Variants in PCDH9 observed in about 807,000 individuals in gnomAD.
PCDH9 encodes the protein protocadherin 9.
In PCDH9, 24 loss-of-function variants were observed where a neutral mutation model predicts 70.6. The observed-to-expected ratio is 0.34, with a 90% CI of 0.25 to 0.48. PCDH9 has a LOEUF of 0.48. Ranked by LOEUF, PCDH9 falls within the 20% of genes least tolerant of loss-of-function variation. PCDH9 has a pLI of 0.99. For synonymous variants in PCDH9, 562 were observed against 558.5 expected, an observed-to-expected ratio of 1.01 and a Z score of -0.09; for missense variants, 1,281 against 1,503.6, an observed-to-expected ratio of 0.85 and a Z score of 2.45.
intron 4 of PCDH9, among the ~76,000 whole-genome samples, chr13:66,628,715 T>A (rs979029871): frequency 2.6e-5 from 4 of 152,360 alleles, no homozygotes; most frequent in African/African-American, 7.2e-5. Context: ...GTTTTGCTTT[T>A]CTTCAAATAG....
intron 2 of PCDH9, among the ~76,000 whole-genome samples, chr13:66,989,826 A>T (rs1421884110): frequency 6.6e-6 from 1 of 151,910 alleles, no homozygotes; most frequent in Non-Finnish European, 1.5e-5. Flanking sequence ...AAACGGGAAC[A>T]TAAAAAATTG....
Position 66,458,436 on chromosome 13 carries a change from C to G in PCDH9, c.3341-153408G>C, listed in dbSNP as rs79881260. 2.0e-4 allele frequency among the ~76,000 whole-genome samples: 31 copies of G among 152,034 alleles called. No homozygotes were observed. In the East Asian group the frequency reaches 5.8e-3, roughly 28 times the overall value. On this transcript the variant is annotated intron_variant, in intron 4 of 4. Coordinates refer to ENST00000377865, the MANE Select transcript of PCDH9 (RefSeq NM_203487.3). ...ATTGGATTCTTAGGTTCTTATTCAA[C>G]CTTAGGAAGCCACATCTCCAACAGA...
intron 2 of PCDH9, among the ~76,000 whole-genome samples, chr13:67,121,113 T>G (rs1482977681): frequency 2.0e-5 from 3 of 152,188 alleles, no homozygotes; most frequent in Non-Finnish European, 4.4e-5. Flanking sequence ...GGGACAGACA[T>G]ATAAACAAAG....
chr13:66,876,014 C>T (rs2081800566), intron 3 of PCDH9, among the ~76,000 whole-genome samples: 1 of 152,132 alleles, frequency 6.6e-6, no homozygotes, highest in South Asian at 2.1e-4. Context: ...TGCTGACCAT[C>T]AAAACAATTC....
At chr13:67,067,056 G>A (rs1484445542) in intron 2 of PCDH9, among the ~76,000 whole-genome samples, 1 of 152,114 alleles carries the variant, frequency 6.6e-6, no homozygotes, top group Admixed American at 6.6e-5. Context: ...ACCTAGGGCT[G>A]TCAGGCTTGC....
intron 4 of PCDH9, among the ~76,000 whole-genome samples, chr13:66,520,283 G>C (rs12867615): frequency 0.25 from 37,607 of 151,894 alleles, 5,098 homozygotes; most frequent in South Asian, 0.35. Flanking sequence ...TTTTTTTTCC[G>C]CTATTTCATT....
In PCDH9 at chr13:66,608,715, G is replaced by A. The variant is rs796279978; in HGVS notation, c.3340+22495C>T. On this transcript the variant is annotated intron_variant, in intron 4 of 4. Coordinates refer to ENST00000377865, the MANE Select transcript of PCDH9 (RefSeq NM_203487.3). ...CACTCAGCCCCAAATTCAAACCTAG[G>A]AGCTCTTTAGGCAAAAAGACCTCCG... 1.2e-4 allele frequency among the ~76,000 whole-genome samples: 18 copies of A among 151,794 alleles called. No individual in the cohort carries two copies. In the East Asian group the frequency reaches 3.3e-3, roughly 28 times the overall value.
intron 2 of PCDH9, among the ~76,000 whole-genome samples, chr13:67,019,846 G>C (rs923908131): frequency 1.3e-5 from 2 of 152,122 alleles, no homozygotes; most frequent in Admixed American, 1.3e-4. Flanking sequence ...CACACTTCAG[G>C]GACAATGAGC....
intron 4 of PCDH9, among the ~76,000 whole-genome samples, chr13:66,576,707 T>A (rs759861064): frequency 6.6e-6 from 1 of 152,010 alleles, no homozygotes; most frequent in Non-Finnish European, 1.5e-5. Context: ...GGACATCAAT[T>A]ATTTTGCCAC....
chr13:66,409,400 C>T (rs73205687), intron 4 of PCDH9, among the ~76,000 whole-genome samples: 2 of 151,888 alleles, frequency 1.3e-5, no homozygotes, highest in Non-Finnish European at 2.9e-5. Context: ...GTTGTCCTCC[C>T]CCTTTTTTCC....
At chr13:66,674,979 T>C (rs553255495) in intron 3 of PCDH9, among the ~76,000 whole-genome samples, 142 of 152,224 alleles carry the variant, frequency 9.3e-4, no homozygotes, top group African/African-American at 3.2e-3. Context: ...CTCATAATCT[T>C]TTAATTTAAC....
chr13:66,391,382 A>G lies in PCDH9; in HGVS notation c.3341-86354T>C, dbSNP rs577423306. Among the ~76,000 whole-genome samples, 5 of 152,316 alleles carry G rather than the reference A, an allele frequency of 3.3e-5. No individual in the cohort carries two copies. The East Asian group carries it at 7.7e-4, about 23-fold the overall frequency. ...ATAATGTAACGAGAAGGTTTCAAAT[A>G]CTGTTAAACTCTACAAATGCTCTGT... is the stretch of plus-strand genomic sequence containing the variant. On this transcript the variant is annotated intron_variant, in intron 4 of 4. Coordinates refer to ENST00000377865, the MANE Select transcript of PCDH9 (RefSeq NM_203487.3).
At chr13:67,039,326 A>G (rs2085067337) in intron 2 of PCDH9, among the ~76,000 whole-genome samples, 1 of 152,174 alleles carries the variant, frequency 6.6e-6, no homozygotes, top group Non-Finnish European at 1.5e-5. Flanking sequence ...CAAGGACTGT[A>G]TTAAGAGGCA....
At chr13:66,518,402 T>C (rs1380926034) in intron 4 of PCDH9, among the ~76,000 whole-genome samples, 1 of 152,110 alleles carries the variant, frequency 6.6e-6, no homozygotes, top group Non-Finnish European at 1.5e-5. Context: ...ATCCCTATTT[T>C]CCTGAATCAT....
chr13:66,487,300 G>A (rs1413269848), intron 4 of PCDH9, among the ~76,000 whole-genome samples: 2 of 152,096 alleles, frequency 1.3e-5, no homozygotes, highest in African/African-American at 4.8e-5. Context: ...AAATATATAG[G>A]TGACATGCAA....
chr13:66,321,058 C>G (rs924773244), intron 4 of PCDH9, among the ~76,000 whole-genome samples: 2 of 151,980 alleles, frequency 1.3e-5, no homozygotes, highest in Non-Finnish European at 2.9e-5. Flanking sequence ...ACACCTCAGG[C>G]AGAGCTTAAG....
At chr13:67,000,095 A>C (rs1171617899) in intron 2 of PCDH9, among the ~76,000 whole-genome samples, 1 of 152,156 alleles carries the variant, frequency 6.6e-6, no homozygotes, top group Non-Finnish European at 1.5e-5. Flanking sequence ...ATGTCCAACA[A>C]TGATAGGCTG....
At chr13:67,216,297 T>G (rs1199719460) in intron 2 of PCDH9, 1 of 152,066 alleles carries the variant, frequency 6.6e-6, no homozygotes, top group Non-Finnish European at 1.5e-5. Context: ...AATCTTGCCA[T>G]TTAAGACCAA....
intron 2 of PCDH9, among the ~76,000 whole-genome samples, chr13:66,995,803 C>T (rs1272430460): frequency 6.6e-6 from 1 of 152,106 alleles, no homozygotes; most frequent in Non-Finnish European, 1.5e-5. Context: ...ATATCATCTG[C>T]ATTACTGCTG....
Sources: allele counts gnomAD v4.1 joint callset (sites outside exome capture counted in the v4.1 genomes callset), GRCh38; gene constraint gnomAD v4.1.1; transcripts MANE v1.5; gene names NCBI Gene and HGNC (gene_info 2026-07-23, HGNC 2026-07-21).